Variants in ABL2 observed in about 807,000 individuals in gnomAD.
ABL2 encodes ABL proto-oncogene 2, non-receptor tyrosine kinase, also known as tyrosine-protein kinase ABL2.
ABL2 carries 49 observed loss-of-function variants against 107.7 expected under a neutral mutation model. The ratio of observed to expected loss-of-function variants is 0.45; its 90% CI spans 0.36 to 0.58. The LOEUF (loss-of-function observed/expected upper bound fraction) is 0.58, where lower values mean the gene tolerates loss of function less well. Among genes scored for constraint, ABL2 ranks in the 20% least tolerant of loss-of-function variants. The pLI, the probability that ABL2 is intolerant of heterozygous loss-of-function variation, is 0.00. For synonymous variants in ABL2, 549 were observed against 548.6 expected (o/e 1.00, Z -0.01); for missense variants, 1,245 against 1,457.0 (o/e 0.85, Z 2.37).
At position 179,108,074 on chromosome 1, in the gene ABL2, T is replaced by C. The variant is rs1653621762; in HGVS notation, c.3193A>G (p.Thr1065Ala). 6.2e-7 allele frequency: 1 copy of C among 1,614,138 alleles called. No homozygotes were observed. The highest frequency in any genetic ancestry group is 1.7e-5 in the Admixed American group (1 of 60,008). Residue 1065 changes from threonine to alanine, a missense_variant, in exon 12 of 12, where the codon ACT becomes GCT. By Grantham distance (58) the Thr-to-Ala change is moderately conservative (BLOSUM62 0). This residue lies in a region of ABL2 where 761 missense variants were observed against 766.4 expected (regional missense o/e 0.99). Coordinates refer to ENST00000502732, the MANE Select transcript of ABL2 (RefSeq NM_007314.4). Reference protein sequence around the residue: ...PAKMANGTAGTKVALRKTKQA... With the variant: ...PAKMANGTAGAKVALRKTKQA... ...TTGGTTTTTCTCAGAGCCACTTTAG[T>C]ACCTGCTGTGCCATTGGCCATTTTG...
intron 1 of ABL2, among the ~76,000 whole-genome samples, chr1:179,172,296 A>G (rs1039571618): frequency 1.3e-5 from 2 of 152,166 alleles, no homozygotes; most frequent in Non-Finnish European, 2.9e-5. Context: ...CCTACTATCT[A>G]TTAACCCTTC....
rs868608627 is a variant in ABL2 at position 179,106,211 on chromosome 1, C to T, written c.*1507G>A. The T allele has an allele frequency of 1.0e-4, 23 of 224,860 alleles. No homozygotes were observed. The Middle Eastern group carries it at 5.4e-3, about 53-fold the overall frequency. 13.9% of individuals were successfully genotyped at this position (224,860 alleles called of 1,614,324 possible). ...ATGAAGCAGTAACTGGAATTAGACCCGATACCAAGAACATTAATAATACCT... is the reference window on the plus strand; with the variant it reads ...ATGAAGCAGTAACTGGAATTAGACCTGATACCAAGAACATTAATAATACCT... On this transcript the variant is annotated 3_prime_UTR_variant, in exon 12 of 12. Transcript: ENST00000502732.
intron 1 of ABL2, among the ~76,000 whole-genome samples, chr1:179,223,109 C>CAAA (rs35137729): frequency 1.1e-3 from 79 of 69,188 alleles, no homozygotes; most frequent in East Asian, 1.6e-3. Context: ...GGCTCCCTCT[C>CAAA]AAAAAAAAAA....
intron 3 of ABL2, among the ~76,000 whole-genome samples, chr1:179,128,626 T>C (rs1021168524): frequency 1.6e-4 from 24 of 152,180 alleles, no homozygotes; most frequent in African/African-American, 5.8e-4. Context: ...TGGAAACTGA[T>C]AGGGGGATGA....
intron 1 of ABL2, among the ~76,000 whole-genome samples, chr1:179,178,168 C>A (rs946344729): frequency 1.3e-5 from 2 of 151,886 alleles, no homozygotes; most frequent in East Asian, 3.9e-4. Context: ...GAGGCTGAGG[C>A]GGATAGATCA....
At chr1:179,116,839 TTTTTTTC>T (rs1159142599) in intron 8 of ABL2, 1 of 160,098 alleles carries the variant, frequency 6.2e-6, no homozygotes, top group African/African-American at 2.4e-5. Context: ...CTTTTTTTTT[TTTTTTTC>T]TTTTTAGACA....
rs1029285276 is a variant in ABL2 at position 179,109,222 on chromosome 1, T to C, written c.2045A>G (p.Lys682Arg). Residue 682 changes from lysine to arginine, a missense_variant, in exon 12 of 12, where the codon AAA (lysine) becomes AGA (arginine). Coordinates refer to ENST00000502732, the MANE Select transcript of ABL2 (RefSeq NM_007314.4). ...TGAGAAGTTACCCGTGAGTTCGTAT[T>C]TCTTATGGGGCTGATTCTCCATTTC... ...FREMENQPHK[K>R]YELTGNFSSV... The C allele has an allele frequency of 3.1e-6, 5 of 1,614,058 alleles. No individual in the cohort carries two copies. The highest frequency in any genetic ancestry group is 1.6e-4 in the Middle Eastern group (1 of 6,062).
At chr1:179,201,454 T>A (rs1395898666) in intron 1 of ABL2, 1 of 204,966 alleles carries the variant, frequency 4.9e-6, no homozygotes, top group Non-Finnish European at 9.8e-6. Flanking sequence ...AGAATATCTA[T>A]GAGAAAAATC....
chr1:179,141,274 G>C (rs1312860525), intron 1 of ABL2, among the ~76,000 whole-genome samples: 1 of 151,426 alleles, frequency 6.6e-6, no homozygotes, highest in Non-Finnish European at 1.5e-5. Context: ...CTAGACAATA[G>C]AACAAAACCC....
rs1427443145 is a variant in ABL2, at chr1:179,180,813, G to C, written c.158-47439C>G. Among the ~76,000 whole-genome samples, 7 of 152,134 alleles carry C rather than the reference G, an allele frequency of 4.6e-5. No homozygotes were observed. The South Asian group carries it at 8.3e-4, about 18-fold the overall frequency. On this transcript the variant is annotated intron_variant, in intron 1 of 11. Coordinates refer to ENST00000502732, the MANE Select transcript of ABL2 (RefSeq NM_007314.4). ...ATTTTTCTATTCTGTCATTTAAAAT[G>C]ATAAAGATCAGTTCAGAGTATACTT...
Position 179,108,847 on chromosome 1 carries a change from C to G in ABL2, c.2420G>C (p.Arg807Thr). 3 of 1,614,166 alleles carry G rather than the reference C, an allele frequency of 1.9e-6. No homozygotes were observed. The highest frequency in any genetic ancestry group is 1.7e-6 in the Non-Finnish European group (2 of 1,180,042). ...MAMTLPRNCQ[R>T]SKLQLERTVS... ...TGTCCTTTCCAGCTGGAGTTTGGAC[C>G]TCTGGCAGTTCCTGGGAAGGGTCAT... The change falls in exon 12 of 12, where the codon AGG becomes ACG. Residue 807 changes from arginine to threonine, a missense_variant. Coordinates refer to ENST00000502732, the MANE Select transcript of ABL2 (RefSeq NM_007314.4).
chr1:179,121,583 T>C lies in ABL2; in HGVS notation c.960+12A>G. On this transcript the variant is annotated intron_variant, in intron 5 of 11. Coordinates refer to ENST00000502732, the MANE Select transcript of ABL2 (RefSeq NM_007314.4). ...AAAAGATGCCTGAAAACTGTAATTCTCAGCAACCCACCTTCAATGTTTTCA... is the reference window on the plus strand; with the variant it reads ...AAAAGATGCCTGAAAACTGTAATTCCCAGCAACCCACCTTCAATGTTTTCA... 1 of 1,606,514 alleles carries C rather than the reference T, an allele frequency of 6.2e-7. No individual in the cohort carries two copies. The highest frequency in any genetic ancestry group is 1.1e-5 in the South Asian group (1 of 90,514).
intron 1 of ABL2, among the ~76,000 whole-genome samples, chr1:179,209,822 C>T (rs910713675): frequency 1.3e-5 from 2 of 152,128 alleles, no homozygotes; most frequent in Non-Finnish European, 2.9e-5. Flanking sequence ...AGAGAAATGA[C>T]CCAAAATGGC....
At chr1:179,220,359 T>C (rs1662805802) in intron 1 of ABL2, among the ~76,000 whole-genome samples, 1 of 152,210 alleles carries the variant, frequency 6.6e-6, no homozygotes, top group Non-Finnish European at 1.5e-5. Flanking sequence ...TAAAGAGGAA[T>C]AAAAACATAC....
rs767522043 is a variant in ABL2, at chr1:179,229,219, G to T, written c.157+22C>A. 1.9e-5 allele frequency: 22 copies of T among 1,147,242 alleles called. No individual in the cohort carries two copies. The Admixed American group carries it at 7.9e-4, about 41-fold the overall frequency. 71.1% of individuals were successfully genotyped at this position (1,147,242 alleles called of 1,614,324 possible). A position where few individuals can be genotyped will look rare whatever the true frequency, so the allele number is the denominator to read the frequency against. On this transcript the variant is annotated intron_variant, in intron 1 of 11. Coordinates refer to ENST00000502732, the MANE Select transcript of ABL2 (RefSeq NM_007314.4). ...CCCCCGGCCTCCCCCACGCTCTCAT[G>T]CCGGCTCCCAGACACACTCACCATG...
intron 1 of ABL2, among the ~76,000 whole-genome samples, chr1:179,149,448 C>T (rs1171085501): frequency 5.3e-5 from 8 of 152,174 alleles, no homozygotes; most frequent in African/African-American, 1.2e-4. Flanking sequence ...CTAAGATCAC[C>T]GATGAATGTG....
At chr1:179,188,484 T>C (rs1660810805) in intron 1 of ABL2, among the ~76,000 whole-genome samples, 1 of 150,144 alleles carries the variant, frequency 6.7e-6, no homozygotes, top group Non-Finnish European at 1.5e-5. Context: ...GAGGTAGAGG[T>C]TGCAGTAAGC....
At chr1:179,109,660 G>A (rs953560140) in intron 11 of ABL2, among the ~76,000 whole-genome samples, 1 of 152,072 alleles carries the variant, frequency 6.6e-6, no homozygotes, top group Non-Finnish European at 1.5e-5. Flanking sequence ...CGGGCACGGT[G>A]GCTCACGCCT....
At chr1:179,218,055 T>C (rs1423998048) in intron 1 of ABL2, among the ~76,000 whole-genome samples, 1 of 152,200 alleles carries the variant, frequency 6.6e-6, no homozygotes, top group Non-Finnish European at 1.5e-5. Flanking sequence ...ATTGAGTACT[T>C]AGAACATGCC....
Sources: allele counts gnomAD v4.1 joint callset (sites outside exome capture counted in the v4.1 genomes callset), GRCh38; gene constraint gnomAD v4.1.1; regional missense constraint gnomAD v4.1.1; transcripts MANE v1.5; gene names NCBI Gene and HGNC (gene_info 2026-07-23, HGNC 2026-07-21).